Variants in NALCN observed in about 807,000 individuals in gnomAD.
NALCN encodes sodium leak channel NALCN.
A neutral mutation model predicts 225.3 loss-of-function variants in NALCN; 111 were observed. That is an observed-to-expected ratio of 0.49 (90% CI 0.42 to 0.58). The LOEUF (loss-of-function observed/expected upper bound fraction) is 0.58. Ranked by LOEUF, NALCN falls within the 20% of genes least tolerant of loss-of-function variation. The pLI is 0.00. For missense variants in NALCN, 1,378 were observed against 2,202.4 expected (o/e 0.63, Z 7.49); for synonymous variants, 764 against 769.0 (o/e 0.99, Z 0.11).
rs138831760 is a variant in NALCN, at chr13:101,256,206, A to T, written c.1266+2237T>A. On this transcript the variant is annotated intron_variant, in intron 11 of 43. Transcript: ENST00000251127. ...CTGGAATTGTAAAATCCTGGACTCCACTCTCTGATCATAACCTCTTCTGGT... is the reference window on the plus strand; with the variant it reads ...CTGGAATTGTAAAATCCTGGACTCCTCTCTCTGATCATAACCTCTTCTGGT... Among the ~76,000 whole-genome samples the T allele has an allele frequency of 5.0e-3, 765 of 151,942 alleles. 12 individuals are homozygous for T. The highest frequency in any genetic ancestry group is 4.7e-3 in the Non-Finnish European group (319 of 67,918).
chr13:101,187,645 T>C (rs1480040787), intron 14 of NALCN, among the ~76,000 whole-genome samples: 5 of 152,150 alleles, frequency 3.3e-5, no homozygotes, highest in Non-Finnish European at 7.4e-5. Context: ...TTATTAATAA[T>C]TATGGAAATG....
chr13:101,406,723 TC>T, intron 1 of NALCN, among the ~76,000 whole-genome samples: 2 of 152,372 alleles, frequency 1.3e-5, no homozygotes, highest in South Asian at 4.1e-4. Flanking sequence ...CTTTCAAGTT[TC>T]TGAAGGTATT....
chr13:101,163,820 T>C (rs1435295300), intron 15 of NALCN, among the ~76,000 whole-genome samples: 2 of 152,122 alleles, frequency 1.3e-5, no homozygotes, highest in South Asian at 2.1e-4. Flanking sequence ...TATTGTCTCA[T>C]ATTTCTGGGG....
chr13:101,198,915 G>C (rs1010709098), intron 13 of NALCN, among the ~76,000 whole-genome samples: 1 of 151,922 alleles, frequency 6.6e-6, no homozygotes, highest in African/African-American at 2.4e-5. Flanking sequence ...TGATAGACTG[G>C]ATTAAGAAAA....
intron 6 of NALCN, among the ~76,000 whole-genome samples, 186 bp downstream of exon 6, chr13:101,376,514 T>C: frequency 7.5e-6 from 1 of 133,216 alleles, no homozygotes; most frequent in East Asian, 2.5e-4. Flanking sequence ...AGACTCCATC[T>C]CAAAAATAAA....
intron 15 of NALCN, among the ~76,000 whole-genome samples, chr13:101,149,019 C>T (rs934777039): frequency 1.3e-5 from 2 of 152,138 alleles, no homozygotes; most frequent in Non-Finnish European, 2.9e-5. Flanking sequence ...GTAGGCTGGG[C>T]GCAGTGGCTC....
chr13:101,066,462 A>G (rs1668588812), intron 39 of NALCN, among the ~76,000 whole-genome samples: 1 of 152,082 alleles, frequency 6.6e-6, no homozygotes, highest in African/African-American at 2.4e-5. Flanking sequence ...GCTACCTTCC[A>G]TGCAACACAA....
chr13:101,123,086 T>C (rs1157179923), intron 18 of NALCN, among the ~76,000 whole-genome samples: 1 of 152,208 alleles, frequency 6.6e-6, no homozygotes, highest in Non-Finnish European at 1.5e-5. Context: ...GGTAAAGTGA[T>C]AGATCAGTTT....
intron 10 of NALCN, among the ~76,000 whole-genome samples, chr13:101,267,602 G>A (rs901466547): frequency 5.3e-5 from 8 of 152,296 alleles, no homozygotes; most frequent in African/African-American, 1.2e-4. Context: ...TTGGAACCCC[G>A]AGCGACCACA....
intron 10 of NALCN, among the ~76,000 whole-genome samples, chr13:101,279,832 AAATAAAATAAATAAATAAATAAATAAAT>A (rs2043101473): frequency 2.1e-5 from 1 of 48,144 alleles, no homozygotes; most frequent in Non-Finnish European, 5.6e-5. Flanking sequence ...ATAAATAAAT[AAATAAAATAAATAAATAAATAAATAAAT>A]AAATAAATAA....
chr13:101,254,391 AAGG>A, intron 11 of NALCN, among the ~76,000 whole-genome samples: 1 of 150,304 alleles, frequency 6.7e-6, no homozygotes, highest in Non-Finnish European at 1.5e-5. Flanking sequence ...AAAAAAAAAA[AAGG>A]AGACAAAAAC....
intron 15 of NALCN, among the ~76,000 whole-genome samples, chr13:101,173,079 G>T (rs1216143884): frequency 6.6e-6 from 1 of 152,210 alleles, no homozygotes; most frequent in African/African-American, 2.4e-5. Flanking sequence ...ACCTTGAGTG[G>T]CGTTTGCCAT....
chr13:101,197,055 A>T (rs2039919322), intron 13 of NALCN, among the ~76,000 whole-genome samples: 1 of 152,168 alleles, frequency 6.6e-6, no homozygotes, highest in South Asian at 2.1e-4. Context: ...AGCTGAAAAA[A>T]ATAAAAATGG....
chr13:101,185,893 C>G (rs1340955429), intron 14 of NALCN, among the ~76,000 whole-genome samples: 3 of 151,812 alleles, frequency 2.0e-5, no homozygotes. Context: ...ACACAGACTA[C>G]TTTTTTTTTC....
chr13:101,188,678 GTGTA>G (rs1234270925), intron 14 of NALCN, among the ~76,000 whole-genome samples: 1 of 127,688 alleles, frequency 7.8e-6, no homozygotes, highest in African/African-American at 3.1e-5. Flanking sequence ...GTCTGTGTGT[GTGTA>G]TATATATATA....
intron 11 of NALCN, among the ~76,000 whole-genome samples, chr13:101,239,301 C>T (rs1181130630): frequency 1.3e-5 from 2 of 151,814 alleles, no homozygotes; most frequent in African/African-American, 4.8e-5. Context: ...ACTTTCTATA[C>T]ACTTATTATG....
rs544772937 is a variant in NALCN at position 101,180,992 on chromosome 13, C to T, written c.1765-4618G>A. 1.3e-3 allele frequency: 598 copies of T among 452,574 alleles called. 4 individuals are homozygous for T. Among genetic ancestry groups the T allele is most frequent in the South Asian group, 9.7e-3 (588 of 60,922 alleles). 28.0% of individuals were successfully genotyped at this position (452,574 alleles called of 1,614,324 possible). ...GAAGAAGGAGGACCAGAAATGAAGCCCCATCATAAATTCACACATTTAGTT... is the reference window on the plus strand; with the variant it reads ...GAAGAAGGAGGACCAGAAATGAAGCTCCATCATAAATTCACACATTTAGTT... On this transcript the variant is annotated intron_variant, in intron 14 of 43. Coordinates refer to ENST00000251127, the MANE Select transcript of NALCN (RefSeq NM_052867.4).
intron 6 of NALCN, among the ~76,000 whole-genome samples, chr13:101,346,087 C>CTCTCTATA: frequency 9.9e-4 from 70 of 70,964 alleles, no homozygotes; most frequent in Admixed American, 2.3e-3. Flanking sequence ...CTCTCTCTCT[C>CTCTCTATA]TATATATATA....
At chr13:101,129,358 T>C (rs1240877466) in intron 17 of NALCN, among the ~76,000 whole-genome samples, 1 of 152,248 alleles carries the variant, frequency 6.6e-6, no homozygotes, top group Non-Finnish European at 1.5e-5. Flanking sequence ...GTTTAATGGA[T>C]TTCAGTCCAT....
Sources: gnomAD v4.1 joint callset for allele counts (sites outside exome capture counted in the v4.1 genomes callset) on GRCh38, gnomAD v4.1.1 for gene constraint, MANE v1.5 for transcripts, NCBI Gene and HGNC (gene_info 2026-07-23, HGNC 2026-07-21) for gene names.